PITPNC1: variants seen among roughly 807,000 people sequenced by gnomAD.
PITPNC1 encodes the protein phosphatidylinositol transfer protein cytoplasmic 1.
In PITPNC1, 18 loss-of-function variants were observed where a neutral mutation model predicts 44.7. The ratio of observed to expected loss-of-function variants is 0.40; its 90% CI spans 0.28 to 0.60. PITPNC1 has a LOEUF of 0.60. Ranked by LOEUF, PITPNC1 falls within the 20% of genes least tolerant of loss-of-function variation. PITPNC1 has a pLI of 0.39. For synonymous variants in PITPNC1, 141 were observed against 149.6 expected, an observed-to-expected ratio of 0.94 and a Z score of 0.42; for missense variants, 290 against 418.4, an observed-to-expected ratio of 0.69 and a Z score of 2.68.
intron 8 of PITPNC1, among the ~76,000 whole-genome samples, chr17:67,691,871 T>A (rs1038147933): frequency 6.6e-6 from 1 of 151,978 alleles, no homozygotes; most frequent in Non-Finnish European, 1.5e-5. Context: ...AAACCAGGCA[T>A]TATGGCATGC....
chr17:67,408,083 C>T (rs2038428021), intron 1 of PITPNC1, among the ~76,000 whole-genome samples: 1 of 151,774 alleles, frequency 6.6e-6, no homozygotes, highest in African/African-American at 2.4e-5. Context: ...AGCCTCCCAG[C>T]AGCTGGGATT....
intron 1 of PITPNC1, among the ~76,000 whole-genome samples, chr17:67,516,962 C>A (rs1394930283): frequency 6.7e-6 from 1 of 149,590 alleles, no homozygotes; most frequent in African/African-American, 2.5e-5. Flanking sequence ...TGTGGCACCC[C>A]CCACCAACAA....
intron 1 of PITPNC1, among the ~76,000 whole-genome samples, chr17:67,513,943 G>A (rs2040224911): frequency 1.3e-5 from 2 of 151,866 alleles, no homozygotes; most frequent in Admixed American, 1.3e-4. Context: ...GGAGGGGATT[G>A]TGCACAATTC....
intron 1 of PITPNC1, among the ~76,000 whole-genome samples, chr17:67,472,948 T>C (rs1449908475): frequency 6.6e-6 from 1 of 151,760 alleles, no homozygotes; most frequent in Non-Finnish European, 1.5e-5. Context: ...TGATCTCGGC[T>C]CACTGCAAGC....
chr17:67,587,673 G>A (rs1020421973), intron 5 of PITPNC1, among the ~76,000 whole-genome samples: 6 of 152,148 alleles, frequency 3.9e-5, no homozygotes, highest in African/African-American at 7.2e-5. Context: ...CCAGCTTCTC[G>A]TTGTTATCTT....
chr17:67,689,351 C>G (rs1009772821), intron 8 of PITPNC1, among the ~76,000 whole-genome samples: 4 of 152,160 alleles, frequency 2.6e-5, no homozygotes, highest in African/African-American at 9.7e-5. Flanking sequence ...GCGTTGTTCC[C>G]GTGACTTCAG....
chr17:67,463,191 AT>A (rs933558770), intron 1 of PITPNC1, among the ~76,000 whole-genome samples: 1 of 4,456 alleles, frequency 2.2e-4, no homozygotes, highest in Non-Finnish European at 1.3e-3. Context: ...AGACTTATAA[AT>A]ACTTCTGCAT....
chr17:67,649,365 A>G (rs1318447421), intron 6 of PITPNC1, among the ~76,000 whole-genome samples: 2 of 152,238 alleles, frequency 1.3e-5, no homozygotes, highest in Non-Finnish European at 2.9e-5. Flanking sequence ...TGGGAGTGTG[A>G]GCTTGGGAAT....
intron 8 of PITPNC1, among the ~76,000 whole-genome samples, chr17:67,685,477 C>A (rs929825818): frequency 6.6e-6 from 1 of 152,202 alleles, no homozygotes; most frequent in Non-Finnish European, 1.5e-5. Flanking sequence ...TCACATGACA[C>A]ATGGATTGAT....
chr17:67,388,840 G>A (rs1014586295), intron 1 of PITPNC1, among the ~76,000 whole-genome samples: 2 of 152,114 alleles, frequency 1.3e-5, no homozygotes, highest in Non-Finnish European at 2.9e-5. Context: ...GGCTGGTCTC[G>A]AACTCCTGAC....
At chr17:67,537,497 T>C (rs1028139872) in intron 2 of PITPNC1, among the ~76,000 whole-genome samples, 3 of 152,176 alleles carry the variant, frequency 2.0e-5, no homozygotes, top group African/African-American at 4.8e-5. Flanking sequence ...CTATAAGATA[T>C]ACAAAATCAT....
chr17:67,383,562 G>C (rs553696869), intron 1 of PITPNC1, among the ~76,000 whole-genome samples: 7 of 152,256 alleles, frequency 4.6e-5, no homozygotes, highest in African/African-American at 1.7e-4. Flanking sequence ...CAGCCACTCG[G>C]TCCCAGTGAG....
chr17:67,606,705 C>A (rs2041613003), intron 5 of PITPNC1, among the ~76,000 whole-genome samples: 1 of 151,294 alleles, frequency 6.6e-6, no homozygotes, highest in South Asian at 2.1e-4. Flanking sequence ...GTGAAGCCAG[C>A]GAGGAAAGAT....
chr17:67,387,023 CG>C (rs1396552330), intron 1 of PITPNC1, among the ~76,000 whole-genome samples: 7 of 152,272 alleles, frequency 4.6e-5, no homozygotes, highest in Non-Finnish European at 7.4e-5. Context: ...ACAAACCAAT[CG>C]TATCTGGAAA....
intron 6 of PITPNC1, among the ~76,000 whole-genome samples, chr17:67,657,123 A>G (rs1239849953): frequency 2.6e-5 from 4 of 152,124 alleles, no homozygotes; most frequent in Non-Finnish European, 5.9e-5. Context: ...AGATAAGACC[A>G]GATAATTTGG....
Position 67,676,239 on chromosome 17 carries a change from C to T in PITPNC1, c.682+697C>T, listed in dbSNP as rs2042601276. Among the ~76,000 whole-genome samples, 1 of 151,922 alleles carries T rather than the reference C, an allele frequency of 6.6e-6. No individual in the cohort carries two copies. The highest frequency in any genetic ancestry group is 1.5e-5 in the Non-Finnish European group (1 of 67,944). On this transcript the variant is annotated intron_variant, in intron 8 of 8. Transcript: ENST00000581322. This position sits in a 1 kb window ranked among gnomAD's most constrained non-coding sequence, Gnocchi z 4.0. ...AAAAAAAAAGAAAGAAAGAAACTAC[C>T]CCTCAACAAATATATACAGGTTCTG...
At chr17:67,413,330 C>T (rs1416702211) in intron 1 of PITPNC1, among the ~76,000 whole-genome samples, 1 of 151,968 alleles carries the variant, frequency 6.6e-6, no homozygotes, top group East Asian at 1.9e-4. Flanking sequence ...CCCATTAGCT[C>T]AGCTATAGAA....
At chr17:67,413,454 T>TA (rs968551260) in intron 1 of PITPNC1, among the ~76,000 whole-genome samples, 5 of 151,678 alleles carry the variant, frequency 3.3e-5, no homozygotes, top group African/African-American at 1.2e-4. Flanking sequence ...TAAGGCTATA[T>TA]AAAAAATAGA....
At chr17:67,433,878 G>A (rs2038894892) in intron 1 of PITPNC1, among the ~76,000 whole-genome samples, 1 of 151,962 alleles carries the variant, frequency 6.6e-6, no homozygotes, top group African/African-American at 2.4e-5. Flanking sequence ...CTCTAGCCTG[G>A]GTGACATAGC....
Sources: allele counts gnomAD v4.1 joint callset (sites outside exome capture counted in the v4.1 genomes callset), GRCh38; gene constraint gnomAD v4.1.1; non-coding constraint Gnocchi (gnomAD v3.1); transcripts MANE v1.5; gene names NCBI Gene and HGNC (gene_info 2026-07-23, HGNC 2026-07-21).